The following MGAT4D variants were observed in gnomAD, a reference collection of about 807,000 sequenced individuals.
MGAT4D encodes the protein MGAT4 family member D.
MGAT4D carries 34 observed loss-of-function variants against 15.9 expected under a neutral mutation model. That is an observed-to-expected ratio of 2.14 (90% CI 1.62 to 2.84). The LOEUF (loss-of-function observed/expected upper bound fraction) is 2.84, where lower values mean the gene tolerates loss of function less well. Among genes scored for constraint, MGAT4D ranks in the 30% most tolerant of loss-of-function variants. MGAT4D has a pLI of 0.00. For missense variants in MGAT4D, 327 were observed against 140.2 expected, an observed-to-expected ratio of 2.33 and a Z score of -6.73; for synonymous variants, 112 against 48.2, an observed-to-expected ratio of 2.33 and a Z score of -5.49.
chr4:140,451,848 C>T (rs1208623416), intron 9 of MGAT4D, among the ~76,000 whole-genome samples: 1 of 152,092 alleles, frequency 6.6e-6, no homozygotes, highest in East Asian at 1.9e-4. Context: ...ATCTGTCAGA[C>T]TACAGCATTC....
rs117710306 is a variant in MGAT4D, at chr4:140,456,114, G to A, written c.1008+475C>T. Among the ~76,000 whole-genome samples, 1,334 of 152,202 alleles carry A rather than the reference G, an allele frequency of 8.8e-3. 53 individuals carry two copies. The highest frequency in any genetic ancestry group is 0.073 in the Admixed American group (1,114 of 15,278). On this transcript the variant is annotated intron_variant, in intron 9 of 10. Transcript: ENST00000511113. ...GATTGTGCCACTGCAATCCAGCCTGGGCTACAGAATGAGTCTCAATAAATA... is the reference window on the plus strand; with the variant it reads ...GATTGTGCCACTGCAATCCAGCCTGAGCTACAGAATGAGTCTCAATAAATA...
chr4:140,486,414 T>G (rs1733136008), intron 1 of MGAT4D, among the ~76,000 whole-genome samples: 1 of 152,126 alleles, frequency 6.6e-6, no homozygotes, highest in Non-Finnish European at 1.5e-5. Context: ...GCAGGTTTGT[T>G]ACATAGATAT....
At chr4:140,482,839 AC>A (rs1732837135) in intron 1 of MGAT4D, among the ~76,000 whole-genome samples, 1 of 152,026 alleles carries the variant, frequency 6.6e-6, no homozygotes, top group Non-Finnish European at 1.5e-5. Context: ...AATCCCATTA[AC>A]CCCCCAAAAA....
intron 1 of MGAT4D, among the ~76,000 whole-genome samples, chr4:140,486,340 C>T (rs921393212): frequency 1.3e-5 from 2 of 152,060 alleles, no homozygotes; most frequent in Non-Finnish European, 2.9e-5. Context: ...ATAGCACAGC[C>T]GTCTTTCCCT....
At chr4:140,488,919 T>C (rs1202304763) in intron 1 of MGAT4D, among the ~76,000 whole-genome samples, 1 of 152,118 alleles carries the variant, frequency 6.6e-6, no homozygotes, top group Non-Finnish European at 1.5e-5. Flanking sequence ...TAGCCTTCTG[T>C]TATGAGTAAA....
At position 140,474,803 on chromosome 4, in the gene MGAT4D, G is replaced by C. The variant is rs186204600; in HGVS notation, c.525+10C>G. 329 of 656,944 alleles carry C rather than the reference G, an allele frequency of 5.0e-4. 2 individuals are homozygous for C. In the African/African-American group the frequency reaches 5.5e-3, roughly 11 times the overall value. 40.7% of individuals were successfully genotyped at this position (656,944 alleles called of 1,614,324 possible). ...GAGGATAAGGAGAGCTCCTTATTTT[G>C]TATACGTACATCTGCAACCAAGACA... On this transcript the variant is annotated intron_variant, in intron 4 of 10. Coordinates refer to ENST00000511113, the MANE Select transcript of MGAT4D (RefSeq NM_001277353.2).
At chr4:140,464,304 T>C (rs563436425) in intron 6 of MGAT4D, among the ~76,000 whole-genome samples, 1 of 152,222 alleles carries the variant, frequency 6.6e-6, no homozygotes, top group Non-Finnish European at 1.5e-5. Flanking sequence ...CTTACCACAC[T>C]AATACCCCAA....
rs956930185 is a variant in MGAT4D at position 140,442,358 on chromosome 4, G to A, written c.*1078C>T. 1.3e-5 allele frequency: 2 copies of A among 151,830 alleles called. No homozygotes were observed. The highest frequency in any genetic ancestry group is 2.4e-5 in the African/African-American group (1 of 41,352). 9.4% of individuals were successfully genotyped at this position (151,830 alleles called of 1,614,324 possible). A position where few individuals can be genotyped will look rare whatever the true frequency, so the allele number is the denominator to read the frequency against. On this transcript the variant is annotated 3_prime_UTR_variant, in exon 11 of 11. Coordinates refer to ENST00000511113, the MANE Select transcript of MGAT4D (RefSeq NM_001277353.2). ...GGCACTCAAGAATAAGGCAACAATGGGAAATGAAGAATTTCACAATATTTG... is the reference window on the plus strand; with the variant it reads ...GGCACTCAAGAATAAGGCAACAATGAGAAATGAAGAATTTCACAATATTTG...
intron 10 of MGAT4D, chr4:140,449,978 T>C (rs752996233): frequency 1.0e-4 from 25 of 243,710 alleles, no homozygotes; most frequent in Non-Finnish European, 1.5e-4. Context: ...CTTGCCACTT[T>C]ATTGAAGGAT....
At chr4:140,481,360 G>T (rs1732717785) in intron 2 of MGAT4D, among the ~76,000 whole-genome samples, 1 of 152,114 alleles carries the variant, frequency 6.6e-6, no homozygotes, top group Admixed American at 6.6e-5. Flanking sequence ...TTGCTGGAGG[G>T]AGTGAAAAAT....
At chr4:140,444,989 C>A (rs1578624973) in intron 10 of MGAT4D, among the ~76,000 whole-genome samples, 1 of 151,880 alleles carries the variant, frequency 6.6e-6, no homozygotes, top group East Asian at 1.9e-4. Context: ...TCAAGCAATT[C>A]TCTGGCCTTG....
Position 140,485,968 on chromosome 4 carries a change from C to T in MGAT4D, c.95-3483G>A, listed in dbSNP as rs1733101656. The stretch of plus-strand genomic sequence containing the variant: ...AATTGGATAATTCCTCTCCCCTGCT[C>T]AAAACCCTCCAAAATATTTCTCATC... On this transcript the variant is annotated intron_variant, in intron 1 of 10. Transcript: ENST00000511113. Among the ~76,000 whole-genome samples the T allele has an allele frequency of 2.0e-5, 3 of 151,758 alleles. No homozygotes were observed. The South Asian group carries it at 6.2e-4, about 32-fold the overall frequency.
intron 10 of MGAT4D, among the ~76,000 whole-genome samples, chr4:140,447,294 C>T (rs927891722): frequency 2.0e-5 from 3 of 152,042 alleles, no homozygotes; most frequent in African/African-American, 7.2e-5. Context: ...CTGTATAATA[C>T]TGTCAGTGGG....
chr4:140,470,332 T>C (rs1364893974), intron 5 of MGAT4D, among the ~76,000 whole-genome samples: 2 of 152,226 alleles, frequency 1.3e-5, no homozygotes, highest in Non-Finnish European at 2.9e-5. Context: ...CCAATTTCAT[T>C]CATTCTACAC....
chr4:140,454,810 A>G (rs1730692912), intron 9 of MGAT4D, among the ~76,000 whole-genome samples: 1 of 152,030 alleles, frequency 6.6e-6, no homozygotes, highest in Admixed American at 6.6e-5. Flanking sequence ...TTCATTTTGG[A>G]TGAGTTTTGA....
chr4:140,483,663 A>G (rs1732894535), intron 1 of MGAT4D, among the ~76,000 whole-genome samples: 1 of 152,204 alleles, frequency 6.6e-6, no homozygotes, highest in Non-Finnish European at 1.5e-5. Context: ...GCATAATAAC[A>G]GACACATAGA....
At chr4:140,453,906 G>A (rs552145103) in intron 9 of MGAT4D, among the ~76,000 whole-genome samples, 13 of 151,896 alleles carry the variant, frequency 8.6e-5, no homozygotes, top group Non-Finnish European at 1.8e-4. Flanking sequence ...AATACATTTG[G>A]TTTTCAACTT....
chr4:140,454,321 T>C (rs1413368454), intron 9 of MGAT4D, among the ~76,000 whole-genome samples: 2 of 152,200 alleles, frequency 1.3e-5, no homozygotes, highest in African/African-American at 4.8e-5. Flanking sequence ...TACGTATGAA[T>C]TTTGAATTTT....
chr4:140,444,376 T>A (rs1729951561), intron 10 of MGAT4D, among the ~76,000 whole-genome samples: 1 of 152,134 alleles, frequency 6.6e-6, no homozygotes, highest in Admixed American at 6.6e-5. Context: ...CCTCCTACCA[T>A]CCTCCCTCAA....
Sources: gnomAD v4.1 joint callset for allele counts (sites outside exome capture counted in the v4.1 genomes callset) on GRCh38, gnomAD v4.1.1 for gene constraint, MANE v1.5 for transcripts, NCBI Gene and HGNC (gene_info 2026-07-23, HGNC 2026-07-21) for gene names.